Variants in CSN1S1 observed in about 807,000 individuals in gnomAD.
The protein encoded by CSN1S1 is alpha-S1-casein.
A neutral mutation model predicts 49.1 loss-of-function variants in CSN1S1; 63 were observed. The observed-to-expected ratio is 1.28, with a 90% CI of 1.05 to 1.58. CSN1S1 has a LOEUF of 1.58. Among genes scored for constraint, CSN1S1 ranks in the 40% most tolerant of loss-of-function variants. CSN1S1 has a pLI of 0.00. For missense variants in CSN1S1, 260 were observed against 224.7 expected, an observed-to-expected ratio of 1.16 and a Z score of -1.01; for synonymous variants, 78 against 67.1, an observed-to-expected ratio of 1.16 and a Z score of -0.79.
intron 4 of CSN1S1, 98 bp from the exon 5 acceptor site, chr4:69,935,828 A>G: frequency 1.3e-6 from 1 of 790,624 alleles, no homozygotes. Flanking sequence ...TAATTGTTGA[A>G]TAGAAGAACA....
At chr4:69,943,482 T>C (rs1414983147) in intron 14 of CSN1S1, among the ~76,000 whole-genome samples, 4 of 151,956 alleles carry the variant, frequency 2.6e-5, no homozygotes, top group Non-Finnish European at 5.9e-5. Flanking sequence ...ATTACTTCAA[T>C]GTAATTATTT....
At chr4:69,938,702 T>C (rs145772419) in intron 9 of CSN1S1, among the ~76,000 whole-genome samples, 302 of 151,816 alleles carry the variant, frequency 2.0e-3, no homozygotes, top group African/African-American at 7.0e-3. Context: ...TCAAAGTAAA[T>C]ATTTTAAAAT....
intron 11 of CSN1S1, 105 bp downstream of exon 11, chr4:69,940,149 A>G (rs1722929978): frequency 2.2e-6 from 1 of 459,410 alleles, no homozygotes. Flanking sequence ...ACACACACAC[A>G]CGGGAAAACA....
In CSN1S1 at chr4:69,932,612, T is replaced by G; in HGVS notation, c.51+6T>G. On this transcript the variant is annotated splice_donor_region_variant and intron_variant, in intron 2 of 15. Coordinates refer to ENST00000246891, the MANE Select transcript of CSN1S1 (RefSeq NM_001890.2). Reference sequence around the variant, plus strand: ...CTGTTGCTCTTGCCAGGCCTGTAAGTTCAGTAGAGAATTTAGAAAGTCTTA... The same window carrying G: ...CTGTTGCTCTTGCCAGGCCTGTAAGGTCAGTAGAGAATTTAGAAAGTCTTA... 1 of 1,591,372 alleles carries G rather than the reference T, an allele frequency of 6.3e-7. No homozygotes were observed. The highest frequency in any genetic ancestry group is 8.6e-7 in the Non-Finnish European group (1 of 1,166,548).
At chr4:69,938,870 T>C (rs905788391) in intron 9 of CSN1S1, among the ~76,000 whole-genome samples, 3 of 151,762 alleles carry the variant, frequency 2.0e-5, no homozygotes, top group African/African-American at 7.2e-5. Context: ...GTTTCATTTT[T>C]GTCACAAAAA....
At position 69,939,192 on chromosome 4, in the gene CSN1S1, T is replaced by C; in HGVS notation, c.260T>C (p.Ile87Thr). The C allele has an allele frequency of 6.2e-7, 1 of 1,600,494 alleles. No homozygotes were observed. Among genetic ancestry groups the C allele is most frequent in the South Asian group, 1.1e-5 (1 of 89,506 alleles). Residue 87 changes from isoleucine to threonine, a missense_variant, in exon 10 of 16, where the codon ATC (isoleucine) becomes ACC (threonine). Physicochemically the swap from Ile to Thr is moderately conservative, Grantham distance 89 (BLOSUM62 -1). Coordinates refer to ENST00000246891, the MANE Select transcript of CSN1S1 (RefSeq NM_001890.2). ...TTCTTTTAGAAGATGGAATCCAGCA[T>C]CAGTTCATCGAGTGAGGTAAATAAT... ...VAEPEKMESS[I>T]SSSSEEMSLS...
chr4:69,945,172 C>T (rs533092423), intron 15 of CSN1S1, among the ~76,000 whole-genome samples, 168 bp downstream of exon 15: 1 of 152,090 alleles, frequency 6.6e-6, no homozygotes, highest in South Asian at 2.1e-4. Flanking sequence ...TTTGTGGGAC[C>T]TGTGGCTAAT....
chr4:69,939,145 G>C (rs768353215), intron 9 of CSN1S1, 31 bp from the exon 10 acceptor site: 1 of 1,547,104 alleles, frequency 6.5e-7, no homozygotes, highest in Non-Finnish European at 8.9e-7. Context: ...AAATCCCAGG[G>C]GATAATTAAC....
chr4:69,939,311 C>A, intron 10 of CSN1S1, 103 bp downstream of exon 10: 1 of 740,808 alleles, frequency 1.3e-6, no homozygotes, highest in Admixed American at 2.4e-5. Context: ...TTGTACAAGG[C>A]AGTGTATATG....
intron 9 of CSN1S1, 115 bp from the exon 10 acceptor site, chr4:69,939,061 C>A: frequency 1.6e-6 from 1 of 645,134 alleles, no homozygotes; most frequent in African/African-American, 1.9e-5. Context: ...TTCCATACCA[C>A]TTATTCAGTT....
chr4:69,938,981 A>T (rs992820231), intron 9 of CSN1S1, among the ~76,000 whole-genome samples, 195 bp from the exon 10 acceptor site: 9 of 151,802 alleles, frequency 5.9e-5, no homozygotes, highest in Non-Finnish European at 8.9e-5. Flanking sequence ...ATAAGTTATT[A>T]AACCTACCAC....
chr4:69,945,837 T>C (rs1723145757), intron 15 of CSN1S1, among the ~76,000 whole-genome samples: 2 of 115,142 alleles, frequency 1.7e-5, no homozygotes, highest in African/African-American at 6.8e-5. Flanking sequence ...ACATTGGAGC[T>C]TCCAATTGTG....
intron 10 of CSN1S1, 23 bp from the exon 11 acceptor site, chr4:69,939,998 T>A: frequency 7.4e-7 from 1 of 1,348,434 alleles, no homozygotes; most frequent in Non-Finnish European, 1.0e-6. Flanking sequence ...ATTAAAACTA[T>A]GCATGTTTTA....
intron 1 of CSN1S1, 122 bp from the exon 2 acceptor site, chr4:69,932,422 G>A: frequency 1.4e-6 from 1 of 709,810 alleles, no homozygotes. Flanking sequence ...TCACATTACA[G>A]CTCCTCAAAT....
chr4:69,940,615 A>AAACTG (rs1452556154), intron 11 of CSN1S1, among the ~76,000 whole-genome samples: 2 of 151,816 alleles, frequency 1.3e-5, no homozygotes, highest in Non-Finnish European at 2.9e-5. Flanking sequence ...GACACAGAGC[A>AAACTG]AACTGTCAAT....
intron 14 of CSN1S1, among the ~76,000 whole-genome samples, chr4:69,943,045 G>GT (rs1239826962): frequency 5.1e-4 from 74 of 146,222 alleles, no homozygotes; most frequent in East Asian, 3.6e-3. Flanking sequence ...TTTACCCTCA[G>GT]TTTTTTTTTT....
At chr4:69,934,784 A>G (rs904984013) in intron 4 of CSN1S1, 74 bp downstream of exon 4, 1 of 1,309,916 alleles carries the variant, frequency 7.6e-7, no homozygotes, top group African/African-American at 1.5e-5. Context: ...ATGCATGTTG[A>G]ATGTCTTCTT....
At chr4:69,945,964 C>T (rs1164600117) in intron 15 of CSN1S1, among the ~76,000 whole-genome samples, 1 of 151,758 alleles carries the variant, frequency 6.6e-6, no homozygotes, top group African/African-American at 2.4e-5. Flanking sequence ...AATTGCATTG[C>T]CATATCTTCA....
chr4:69,935,222 A>C (rs548913025), intron 4 of CSN1S1, among the ~76,000 whole-genome samples: 1 of 152,070 alleles, frequency 6.6e-6, no homozygotes, highest in Middle Eastern at 3.4e-3. Context: ...TTATGGGAAA[A>C]ATTATTTAAT....
Sources: allele counts gnomAD v4.1 joint callset (sites outside exome capture counted in the v4.1 genomes callset), GRCh38; gene constraint gnomAD v4.1.1; transcripts MANE v1.5; gene names NCBI Gene and HGNC (gene_info 2026-07-23, HGNC 2026-07-21).